Variants in PRCP observed in about 807,000 individuals in gnomAD.
The protein encoded by PRCP is prolylcarboxypeptidase.
Under a neutral mutation model 54.2 loss-of-function variants are expected in PRCP, and 46 were observed. That is an observed-to-expected ratio of 0.85 (90% CI 0.67 to 1.09). PRCP has a LOEUF of 1.09. Among genes scored for constraint, PRCP ranks in the 50% least tolerant of loss-of-function variants. The pLI is 0.00. For synonymous variants in PRCP, 240 were observed against 212.2 expected (o/e 1.13, Z -1.14); for missense variants, 613 against 596.8 (o/e 1.03, Z -0.28).
chr11:82,878,340 T>G (rs1218474945), intron 1 of PRCP, among the ~76,000 whole-genome samples: 1 of 152,168 alleles, frequency 6.6e-6, no homozygotes, highest in African/African-American at 2.4e-5. Context: ...TGATTGGTTT[T>G]GAAATGTGAG....
chr11:82,825,045 G>A lies in PRCP; in HGVS notation c.1352C>T (p.Ser451Leu). Residue 451 changes from serine to leucine, a missense_variant, in exon 9 of 9, where the codon TCA becomes TTA. Coordinates refer to ENST00000313010, the MANE Select transcript of PRCP (RefSeq NM_005040.4). ...GAGATCTAAGTGGTGGGCCCCCTCT[G>A]AGATGGTGACTGCAACCAGAGTGTC... Reference protein sequence around the residue: ...ITDTLVAVTISEGAHHLDLRT... With the variant: ...ITDTLVAVTILEGAHHLDLRT... 1 of 1,614,092 alleles carries A rather than the reference G, an allele frequency of 6.2e-7. No homozygotes were observed. The highest frequency in any genetic ancestry group is 8.5e-7 in the Non-Finnish European group (1 of 1,179,992).
intron 2 of PRCP, among the ~76,000 whole-genome samples, chr11:82,856,516 T>C (rs1164781230): frequency 6.6e-6 from 1 of 152,108 alleles, no homozygotes; most frequent in African/African-American, 2.4e-5. Context: ...GCATGACTAC[T>C]AGAGGGGCTA....
chr11:82,890,285 A>G (rs59384982), intron 1 of PRCP, among the ~76,000 whole-genome samples: 40,475 of 151,952 alleles, frequency 0.27, 5,575 homozygotes, highest in Admixed American at 0.32. Flanking sequence ...TCTCACTCTC[A>G]GCTGATGACC....
chr11:82,859,952 T>C, intron 2 of PRCP, 25 bp downstream of exon 2: 1 of 1,531,560 alleles, frequency 6.5e-7, no homozygotes, highest in Non-Finnish European at 8.8e-7. Context: ...AATTGAGCAC[T>C]GGAATTTCAT....
intron 1 of PRCP, among the ~76,000 whole-genome samples, chr11:82,884,299 C>G (rs553622020): frequency 1.3e-5 from 2 of 152,282 alleles, no homozygotes; most frequent in South Asian, 4.1e-4. Flanking sequence ...TGGTTCAGGC[C>G]TGTAATCCCA....
At position 82,823,564 on chromosome 11, in the gene PRCP, A is replaced by C. The variant is rs901434254; in HGVS notation, c.*1342T>G. ...CCTTAAAAAAAAAAAATGCCATAAAAATGATCAAGCTCAAGGTACAGTTTT... is the reference window on the plus strand; with the variant it reads ...CCTTAAAAAAAAAAAATGCCATAAACATGATCAAGCTCAAGGTACAGTTTT... On this transcript the variant is annotated 3_prime_UTR_variant, in exon 9 of 9. Transcript: ENST00000313010. 6.6e-6 allele frequency: 1 copy of C among 152,176 alleles called. No individual in the cohort carries two copies. Among genetic ancestry groups the C allele is most frequent in the African/African-American group, 2.4e-5 (1 of 41,446 alleles). 9.4% of individuals were successfully genotyped at this position (152,176 alleles called of 1,614,324 possible).
At chr11:82,870,104 T>A (rs1320180351) in intron 1 of PRCP, among the ~76,000 whole-genome samples, 1 of 152,232 alleles carries the variant, frequency 6.6e-6, no homozygotes. Context: ...TCAAAGTTTT[T>A]AAGACTGGAA....
chr11:82,852,403 T>C (rs181552570), intron 3 of PRCP, among the ~76,000 whole-genome samples: 71 of 152,350 alleles, frequency 4.7e-4, no homozygotes, highest in Non-Finnish European at 8.2e-4. Context: ...AAAGCATATG[T>C]ATACACTGAT....
Position 82,824,679 on chromosome 11 carries a change from CTATCAAGAAGAT to C in PRCP, c.*215_*226del. On this transcript the variant is annotated 3_prime_UTR_variant, in exon 9 of 9. Transcript: ENST00000313010. ...GAGGGCCACTGATGGTGTGGGAGAG[CTATCAAGAAGAT>C]TCTTCCTAGACGTGGTGCAAAGACA... is the stretch of plus-strand genomic sequence containing the variant. 1 of 515,190 alleles carries C rather than the reference CTATCAAGAAGAT, an allele frequency of 1.9e-6. No individual in the cohort carries two copies. Among genetic ancestry groups the C allele is most frequent in the African/African-American group, 1.9e-5 (1 of 52,216 alleles). 31.9% of individuals were successfully genotyped at this position (515,190 alleles called of 1,614,324 possible).
intron 1 of PRCP, among the ~76,000 whole-genome samples, chr11:82,895,809 GC>G (rs1469025192): frequency 2.6e-5 from 4 of 152,138 alleles, no homozygotes; most frequent in African/African-American, 9.7e-5. Context: ...AGACATCAGG[GC>G]CACTGTGACA....
At chr11:82,900,121 A>ATCTT in intron 1 of PRCP, 114 bp downstream of exon 1, 1 of 1,348,788 alleles carries the variant, frequency 7.4e-7, no homozygotes. Context: ...AAAACCGAAC[A>ATCTT]GATCCTAGGC....
At chr11:82,855,176 C>T (rs1381835216) in intron 2 of PRCP, among the ~76,000 whole-genome samples, 2 of 152,164 alleles carry the variant, frequency 1.3e-5, no homozygotes, top group African/African-American at 4.8e-5. Context: ...CAAAAGCTGA[C>T]AAGTGGGACC....
chr11:82,871,007 G>T (rs765718135), intron 1 of PRCP, among the ~76,000 whole-genome samples: 8 of 151,804 alleles, frequency 5.3e-5, no homozygotes, highest in Non-Finnish European at 1.2e-4. Flanking sequence ...AAATAATCTT[G>T]CCAGAACTCA....
intron 6 of PRCP, among the ~76,000 whole-genome samples, chr11:82,843,994 A>AAG: frequency 6.6e-6 from 1 of 151,882 alleles, no homozygotes; most frequent in Admixed American, 6.6e-5. Flanking sequence ...TGTGGGAAAA[A>AAG]AAAAAAAAAA....
intron 3 of PRCP, among the ~76,000 whole-genome samples, chr11:82,851,058 A>T (rs1162494240): frequency 6.6e-6 from 1 of 152,244 alleles, no homozygotes; most frequent in Non-Finnish European, 1.5e-5. Context: ...AACAGGCAAC[A>T]TGAGACATTG....
Position 82,824,831 on chromosome 11 carries a change from A to C in PRCP, c.*75T>G, listed in dbSNP as rs1271276692. ...ATGATAAACAAAAGAAGGTAATTAC[A>C]TGTAGAAAATCAAAGTGAATGGGAA... On this transcript the variant is annotated 3_prime_UTR_variant, in exon 9 of 9. Transcript: ENST00000313010. 1 of 1,397,162 alleles carries C rather than the reference A, an allele frequency of 7.2e-7. No homozygotes were observed. The highest frequency in any genetic ancestry group is 1.4e-5 in the African/African-American group (1 of 69,826). The allele number at this position is 1,397,162 out of a possible 1,614,324, so 86.5% of individuals were successfully genotyped here.
intron 8 of PRCP, chr11:82,828,062 G>A (rs1468687757): frequency 6.6e-6 from 1 of 151,900 alleles, no homozygotes; most frequent in Non-Finnish European, 1.5e-5. Context: ...GATTGCATTC[G>A]TGTTTACAAA....
At chr11:82,827,648 GTATT>G (rs1858271007) in intron 8 of PRCP, 2 of 152,142 alleles carry the variant, frequency 1.3e-5, no homozygotes, top group Admixed American at 1.3e-4. Context: ...GTATCACACT[GTATT>G]GACTGTAGCT....
intron 1 of PRCP, among the ~76,000 whole-genome samples, chr11:82,899,571 C>A (rs1192995171): frequency 6.6e-6 from 1 of 152,186 alleles, no homozygotes; most frequent in Non-Finnish European, 1.5e-5. Flanking sequence ...CCTCATGCTG[C>A]AGCCAAGCAC....
Sources: gnomAD v4.1 joint callset for allele counts (sites outside exome capture counted in the v4.1 genomes callset) on GRCh38, gnomAD v4.1.1 for gene constraint, MANE v1.5 for transcripts, NCBI Gene and HGNC (gene_info 2026-07-23, HGNC 2026-07-21) for gene names.